NEGR1: variants seen among roughly 807,000 people sequenced by gnomAD.
The protein encoded by NEGR1 is neuronal growth regulator 1.
Under a neutral mutation model 40.9 loss-of-function variants are expected in NEGR1, and 10 were observed. The ratio of observed to expected loss-of-function variants is 0.24; its 90% CI spans 0.15 to 0.42. NEGR1 has a LOEUF of 0.42. Ranked by LOEUF, NEGR1 falls within the 10% of genes least tolerant of loss-of-function variation. The pLI, the probability that NEGR1 is intolerant of heterozygous loss-of-function variation, is 1.00. For synonymous variants in NEGR1, 185 were observed against 166.8 expected (o/e 1.11, Z -0.84); for missense variants, 352 against 438.9 (o/e 0.80, Z 1.77).
At chr1:71,873,454 C>T (rs1660337941) in intron 2 of NEGR1, among the ~76,000 whole-genome samples, 1 of 152,008 alleles carries the variant, frequency 6.6e-6, no homozygotes, top group South Asian at 2.1e-4. Context: ...GCAACTGGCT[C>T]GTTATATGAC....
chr1:71,540,423 C>A (rs1647653019), intron 6 of NEGR1, among the ~76,000 whole-genome samples: 1 of 151,706 alleles, frequency 6.6e-6, no homozygotes, highest in Non-Finnish European at 1.5e-5. Flanking sequence ...ACCTAGAAAA[C>A]CCTCATTACT....
intron 3 of NEGR1, among the ~76,000 whole-genome samples, chr1:71,758,756 G>A (rs1465300754): frequency 6.6e-6 from 1 of 152,000 alleles, no homozygotes; most frequent in Non-Finnish European, 1.5e-5. Context: ...AATTGCCAAG[G>A]ACACATTGGG....
chr1:72,033,644 A>G (rs1345490848), intron 1 of NEGR1, among the ~76,000 whole-genome samples: 1 of 152,228 alleles, frequency 6.6e-6, no homozygotes, highest in Non-Finnish European at 1.5e-5. Flanking sequence ...AAAGAAATAC[A>G]CCAAACTTTA....
In NEGR1 at chr1:71,447,570, G is replaced by A. The variant is rs940378385; in HGVS notation, c.941-40000C>T. Reference sequence around the variant, plus strand: ...GACTTTACCCTGATCTTTTCTATCTGCTGGATTCTACTCTTCCTTTAAATC... The same window carrying A: ...GACTTTACCCTGATCTTTTCTATCTACTGGATTCTACTCTTCCTTTAAATC... On this transcript the variant is annotated intron_variant, in intron 6 of 6. Transcript: ENST00000357731. 7.0e-4 allele frequency among the ~76,000 whole-genome samples: 107 copies of A among 152,252 alleles called. 1 individual carries two copies. The highest frequency in any genetic ancestry group is 2.5e-3 in the African/African-American group (104 of 41,530).
chr1:72,281,150 G>T (rs1412230644), intron 1 of NEGR1, among the ~76,000 whole-genome samples: 2 of 152,088 alleles, frequency 1.3e-5, no homozygotes, highest in Non-Finnish European at 2.9e-5. Context: ...GGAAAGAAGG[G>T]AAAATGAGAA....
intron 1 of NEGR1, among the ~76,000 whole-genome samples, chr1:72,155,210 A>G (rs1651314947): frequency 1.3e-5 from 2 of 151,984 alleles, no homozygotes; most frequent in Admixed American, 1.3e-4. Flanking sequence ...TTATCCCACT[A>G]GTGGTTCCAA....
At chr1:71,466,685 T>C (rs1050714108) in intron 6 of NEGR1, among the ~76,000 whole-genome samples, 1 of 151,894 alleles carries the variant, frequency 6.6e-6, no homozygotes, top group Non-Finnish European at 1.5e-5. Context: ...AGCACTGAGG[T>C]GGAGCATGTT....
chr1:71,420,943 AC>A (rs1228412242), intron 6 of NEGR1, among the ~76,000 whole-genome samples: 1 of 152,082 alleles, frequency 6.6e-6, no homozygotes, highest in Non-Finnish European at 1.5e-5. Context: ...CCAATAAAAT[AC>A]AAAATGAGTT....
intron 6 of NEGR1, among the ~76,000 whole-genome samples, chr1:71,564,053 A>G (rs140656858): frequency 4.2e-4 from 64 of 152,096 alleles, no homozygotes; most frequent in South Asian, 8.3e-4. Context: ...GGTATTCTAC[A>G]TTTTTATCAA....
At chr1:71,643,118 C>G (rs1451309652) in intron 4 of NEGR1, among the ~76,000 whole-genome samples, 1 of 151,970 alleles carries the variant, frequency 6.6e-6, no homozygotes, top group Non-Finnish European at 1.5e-5. Context: ...AAGTAGGCAG[C>G]CTTGTCCTCA....
In NEGR1 at chr1:71,738,232, G is replaced by A. The variant is rs547418589; in HGVS notation, c.535+37940C>T. 4.8e-5 allele frequency: 10 copies of A among 208,674 alleles called. No homozygotes were observed. The South Asian group carries it at 6.4e-4, about 13-fold the overall frequency. 12.9% of individuals were successfully genotyped at this position (208,674 alleles called of 1,614,324 possible). A position where few individuals can be genotyped will look rare whatever the true frequency, so the allele number is the denominator to read the frequency against. On this transcript the variant is annotated intron_variant, in intron 3 of 6. Transcript: ENST00000357731. ...GACATTTGTGAACGAAGTGGAATCC[G>A]CTCTGGCCCAGCAAGTCAAGCACTT...
At chr1:71,867,127 C>T (rs557905944) in intron 2 of NEGR1, among the ~76,000 whole-genome samples, 17 of 152,180 alleles carry the variant, frequency 1.1e-4, no homozygotes, top group African/African-American at 3.4e-4. Context: ...CTGAGGTGGG[C>T]GGATCACTTG....
At chr1:71,651,596 A>G (rs1005064522) in intron 4 of NEGR1, among the ~76,000 whole-genome samples, 4 of 152,080 alleles carry the variant, frequency 2.6e-5, no homozygotes, top group African/African-American at 9.7e-5. Flanking sequence ...AGATAGCTCA[A>G]CTGTCATTTC....
intron 6 of NEGR1, among the ~76,000 whole-genome samples, chr1:71,495,217 G>A (rs187879481): frequency 1.1e-4 from 16 of 152,200 alleles, no homozygotes; most frequent in East Asian, 7.7e-4. Context: ...GGTGGCTCAC[G>A]CCTATAATCC....
intron 1 of NEGR1, among the ~76,000 whole-genome samples, chr1:72,154,648 T>C (rs1651293592): frequency 1.3e-5 from 2 of 152,074 alleles, no homozygotes; most frequent in Admixed American, 6.6e-5. Context: ...AATATGAACA[T>C]GTGCATTCAA....
At chr1:71,953,152 A>G (rs1463776904) in intron 1 of NEGR1, among the ~76,000 whole-genome samples, 1 of 151,918 alleles carries the variant, frequency 6.6e-6, no homozygotes, top group Non-Finnish European at 1.5e-5. Flanking sequence ...CTTATTACTT[A>G]AGAAATACAT....
At chr1:71,754,150 C>G (rs1172167295) in intron 3 of NEGR1, among the ~76,000 whole-genome samples, 9 of 152,106 alleles carry the variant, frequency 5.9e-5, no homozygotes, top group Non-Finnish European at 8.8e-5. Context: ...AGGAAAGGCT[C>G]CAGTAGCAGA....
chr1:71,869,844 T>A (rs184469335), intron 2 of NEGR1, among the ~76,000 whole-genome samples: 1 of 151,868 alleles, frequency 6.6e-6, no homozygotes, highest in Non-Finnish European at 1.5e-5. Flanking sequence ...TATATAGTAA[T>A]GAGTTGCTTA....
intron 3 of NEGR1, among the ~76,000 whole-genome samples, chr1:71,745,732 G>C (rs72944200): frequency 0.072 from 11,022 of 152,196 alleles, 495 homozygotes; most frequent in East Asian, 0.14. Context: ...GCAGTGAGCC[G>C]AGATTGTGCC....
Sources: allele counts gnomAD v4.1 joint callset (sites outside exome capture counted in the v4.1 genomes callset), GRCh38; gene constraint gnomAD v4.1.1; transcripts MANE v1.5; gene names NCBI Gene and HGNC (gene_info 2026-07-23, HGNC 2026-07-21).